The following RIC8B variants were observed in gnomAD, a reference collection of about 807,000 sequenced individuals.
RIC8B encodes RIC8 guanine nucleotide exchange factor B.
A neutral mutation model predicts 57.5 loss-of-function variants in RIC8B; 16 were observed. The ratio of observed to expected loss-of-function variants is 0.28; its 90% CI spans 0.19 to 0.42. The LOEUF (loss-of-function observed/expected upper bound fraction) is 0.42. Ranked by LOEUF, RIC8B falls within the 10% of genes least tolerant of loss-of-function variation. The pLI is 1.00. For missense variants in RIC8B, 481 were observed against 677.0 expected, an observed-to-expected ratio of 0.71 and a Z score of 3.21; for synonymous variants, 216 against 250.8, an observed-to-expected ratio of 0.86 and a Z score of 1.31.
intron 9 of RIC8B, among the ~76,000 whole-genome samples, chr12:106,884,904 T>G (rs1012255177): frequency 6.6e-6 from 1 of 152,158 alleles, no homozygotes; most frequent in African/African-American, 2.4e-5. Context: ...ACCAACATTA[T>G]AGCTGCTGCC....
intron 3 of RIC8B, chr12:106,822,122 A>G (rs1229851492): frequency 6.6e-6 from 1 of 151,826 alleles, no homozygotes; most frequent in Non-Finnish European, 1.5e-5. Context: ...AAAGAAAAGC[A>G]AAGGGCTTGA....
chr12:106,881,725 C>T (rs1228536397), intron 9 of RIC8B, among the ~76,000 whole-genome samples: 2 of 152,066 alleles, frequency 1.3e-5, no homozygotes, highest in African/African-American at 4.8e-5. Flanking sequence ...ATTTACCAAG[C>T]CTTTTAGGAG....
intron 8 of RIC8B, among the ~76,000 whole-genome samples, chr12:106,865,769 C>T (rs1764547431): frequency 6.6e-6 from 1 of 152,136 alleles, no homozygotes; most frequent in Non-Finnish European, 1.5e-5. Context: ...ATATGTAAAT[C>T]AGACTAGTCA....
chr12:106,849,078 G>A (rs1949341406), intron 6 of RIC8B, among the ~76,000 whole-genome samples: 1 of 151,994 alleles, frequency 6.6e-6, no homozygotes, highest in Non-Finnish European at 1.5e-5. Context: ...ACAGGGTGAT[G>A]TCAACAATAA....
intron 9 of RIC8B, chr12:106,872,990 A>G: frequency 1.0e-6 from 1 of 982,968 alleles, no homozygotes; most frequent in Non-Finnish European, 1.2e-6. Flanking sequence ...TATCACAGGC[A>G]CAGAAAACAA....
At chr12:106,778,738 T>C (rs2043605418) in intron 1 of RIC8B, among the ~76,000 whole-genome samples, 1 of 152,142 alleles carries the variant, frequency 6.6e-6, no homozygotes, top group African/African-American at 2.4e-5. Context: ...TCTTCTGTGT[T>C]TTTGAGCACA....
intron 4 of RIC8B, among the ~76,000 whole-genome samples, chr12:106,838,713 C>T (rs980382703): frequency 3.2e-4 from 48 of 151,594 alleles, no homozygotes; most frequent in African/African-American, 1.1e-3. Flanking sequence ...TTCTGCACAG[C>T]AAAGGAAACA....
intron 8 of RIC8B, among the ~76,000 whole-genome samples, chr12:106,865,780 A>G (rs1346761475): frequency 6.6e-6 from 1 of 152,124 alleles, no homozygotes; most frequent in Admixed American, 6.6e-5. Flanking sequence ...AGACTAGTCA[A>G]CTGTTCAGAC....
At position 106,860,271 on chromosome 12, in the gene RIC8B, A is replaced by G; in HGVS notation, c.1310A>G (p.Asp437Gly). The stretch of plus-strand genomic sequence containing the variant: ...AAACCCTATTCTGTTTTTGCAGTGG[A>G]TAGTCTGCTGAAATACACTGGCTAT... ...FLFVLCKERVDSLLKYTGYGN... is the reference protein window; with the variant it reads ...FLFVLCKERVGSLLKYTGYGN... Residue 437 changes from aspartate (D) to glycine (G), a missense_variant, in exon 8 of 10, where the codon GAT becomes GGT. Physicochemically the swap from Asp to Gly is moderately conservative, Grantham distance 94. Around this residue, in one of 3 missense-constraint regions of RIC8B, gnomAD observed 421 missense variants for 560.9 expected, o/e 0.75. Coordinates refer to ENST00000392837, the MANE Select transcript of RIC8B (RefSeq NM_001330145.2). The G allele has an allele frequency of 6.3e-7, 1 of 1,581,606 alleles. No homozygotes were observed. The highest frequency in any genetic ancestry group is 8.6e-7 in the Non-Finnish European group (1 of 1,166,672).
At chr12:106,814,640 G>C (rs1050118686) in intron 2 of RIC8B, 56 bp from the exon 3 acceptor site, 24 of 1,516,268 alleles carry the variant, frequency 1.6e-5, no homozygotes, top group Non-Finnish European at 1.9e-5. Flanking sequence ...GAAACATTCT[G>C]TGTTAAGTCA....
intron 2 of RIC8B, among the ~76,000 whole-genome samples, chr12:106,789,712 T>A (rs1037266480): frequency 3.9e-5 from 6 of 152,130 alleles, no homozygotes; most frequent in Admixed American, 3.9e-4. Flanking sequence ...GGGAGCACAA[T>A]TCAAGATGAG....
At chr12:106,823,265 C>G in intron 3 of RIC8B, 1 of 274,226 alleles carries the variant, frequency 3.6e-6, no homozygotes, top group South Asian at 3.8e-5. Context: ...GGAGAAGATA[C>G]TTTAGCTGAA....
At chr12:106,822,328 T>G (rs1030648787) in intron 3 of RIC8B, 5 of 152,204 alleles carry the variant, frequency 3.3e-5, no homozygotes, top group African/African-American at 1.2e-4. Flanking sequence ...TAAATTGGTA[T>G]AAGTACTTTG....
intron 2 of RIC8B, chr12:106,798,040 G>T: frequency 1.4e-6 from 1 of 716,388 alleles, no homozygotes; most frequent in East Asian, 2.7e-5. Flanking sequence ...TTATAGCGTT[G>T]ACAGAAAACA....
chr12:106,854,626 A>G (rs2136485377), intron 7 of RIC8B, among the ~76,000 whole-genome samples: 1 of 152,272 alleles, frequency 6.6e-6, no homozygotes, highest in East Asian at 1.9e-4. Context: ...CCCCGTCTCT[A>G]CTAAAAATAT....
chr12:106,874,924 T>C (rs1950596940), intron 9 of RIC8B, among the ~76,000 whole-genome samples: 1 of 152,276 alleles, frequency 6.6e-6, no homozygotes, highest in South Asian at 2.1e-4. Flanking sequence ...ATCTGAACCC[T>C]ATAAATCCCA....
chr12:106,783,307 T>C (rs1033794348), intron 1 of RIC8B, among the ~76,000 whole-genome samples: 1 of 152,214 alleles, frequency 6.6e-6, no homozygotes, highest in African/African-American at 2.4e-5. Context: ...AGGTACACCC[T>C]GTTTTCAGAT....
chr12:106,814,334 T>C (rs2045472491), intron 2 of RIC8B, among the ~76,000 whole-genome samples: 1 of 152,240 alleles, frequency 6.6e-6, no homozygotes. Context: ...CAAGGGTTTC[T>C]GAAACATGGG....
chr12:106,862,369 T>G (rs185404278), intron 8 of RIC8B, among the ~76,000 whole-genome samples: 13 of 152,098 alleles, frequency 8.5e-5, no homozygotes, highest in Non-Finnish European at 1.9e-4. Flanking sequence ...AGTGAAAAAG[T>G]GTGGTGAGAT....
Sources: gnomAD v4.1 joint callset for allele counts (sites outside exome capture counted in the v4.1 genomes callset) on GRCh38, gnomAD v4.1.1 for gene constraint, gnomAD v4.1.1 regional missense constraint, MANE v1.5 for transcripts, NCBI Gene and HGNC (gene_info 2026-07-23, HGNC 2026-07-21) for gene names.